THSD7B: variants seen among roughly 807,000 people sequenced by gnomAD.
The protein encoded by THSD7B is thrombospondin type-1 domain-containing protein 7B.
Under a neutral mutation model 213.6 loss-of-function variants are expected in THSD7B, and 138 were observed. The observed-to-expected ratio is 0.65, with a 90% CI of 0.56 to 0.74. THSD7B has a LOEUF of 0.74. Among genes scored for constraint, THSD7B ranks in the 30% least tolerant of loss-of-function variants. The probability of loss-of-function intolerance (pLI) is 0.00; values close to 1 mark genes in which losing one functional copy is unlikely to be tolerated. For missense variants in THSD7B, 1,931 were observed against 1,991.5 expected, an observed-to-expected ratio of 0.97 and a Z score of 0.58; for synonymous variants, 742 against 687.0, an observed-to-expected ratio of 1.08 and a Z score of -1.25.
At chr2:137,199,006 T>C (rs1312445863) in intron 7 of THSD7B, among the ~76,000 whole-genome samples, 1 of 152,202 alleles carries the variant, frequency 6.6e-6, no homozygotes, top group Non-Finnish European at 1.5e-5. Context: ...GAGTAGATGC[T>C]GTTAAGGCTT....
intron 2 of THSD7B, among the ~76,000 whole-genome samples, chr2:136,926,643 A>G (rs1403513765): frequency 6.6e-6 from 1 of 152,044 alleles, no homozygotes; most frequent in African/African-American, 2.4e-5. Context: ...TCAGTGAGCC[A>G]TGATCATGCC....
chr2:136,873,109 G>A (rs1207201032), intron 1 of THSD7B, among the ~76,000 whole-genome samples: 1 of 149,788 alleles, frequency 6.7e-6, no homozygotes, highest in Non-Finnish European at 1.5e-5. Context: ...TGTTTTTGAA[G>A]GTTTCAGAAA....
chr2:137,253,357 A>G (rs1404836716), intron 10 of THSD7B, among the ~76,000 whole-genome samples: 1 of 152,192 alleles, frequency 6.6e-6, no homozygotes, highest in Non-Finnish European at 1.5e-5. Context: ...ATGCAATACT[A>G]TGCTGTCTTA....
intron 15 of THSD7B, among the ~76,000 whole-genome samples, chr2:137,511,072 G>A (rs947145065): frequency 6.6e-6 from 1 of 152,238 alleles, no homozygotes; most frequent in Admixed American, 6.5e-5. Context: ...ATGCTTAATA[G>A]TGTGTCACAG....
At chr2:137,157,171 A>G (rs1035207512) in intron 5 of THSD7B, among the ~76,000 whole-genome samples, 1 of 152,138 alleles carries the variant, frequency 6.6e-6, no homozygotes, top group Non-Finnish European at 1.5e-5. Context: ...GTGGGAGCAA[A>G]TACACTCATA....
At chr2:137,017,585 G>T (rs1050166586) in intron 2 of THSD7B, among the ~76,000 whole-genome samples, 1 of 152,078 alleles carries the variant, frequency 6.6e-6, no homozygotes, top group Admixed American at 6.6e-5. Flanking sequence ...AAATACAGAT[G>T]TAGAAACAGA....
chr2:137,633,093 T>C (rs916227329), intron 20 of THSD7B, among the ~76,000 whole-genome samples: 2 of 152,184 alleles, frequency 1.3e-5, no homozygotes, highest in East Asian at 3.8e-4. Flanking sequence ...CACTCTGCTA[T>C]ACTGGAAAAT....
chr2:137,295,624 T>C (rs947104788), intron 12 of THSD7B, among the ~76,000 whole-genome samples: 3 of 151,982 alleles, frequency 2.0e-5, no homozygotes, highest in African/African-American at 7.2e-5. Context: ...TACAGGCACG[T>C]GCCACCATGG....
intron 15 of THSD7B, among the ~76,000 whole-genome samples, chr2:137,482,861 G>A (rs1688338849): frequency 6.6e-6 from 1 of 152,160 alleles, no homozygotes; most frequent in South Asian, 2.1e-4. Flanking sequence ...GGAAGTGGGT[G>A]GGAGATCCAG....
intron 15 of THSD7B, among the ~76,000 whole-genome samples, chr2:137,555,285 G>T (rs1458099633): frequency 6.6e-6 from 1 of 152,180 alleles, no homozygotes; most frequent in Non-Finnish European, 1.5e-5. Context: ...TATCTGGGAG[G>T]CACCCCCTAG....
intron 20 of THSD7B, among the ~76,000 whole-genome samples, chr2:137,625,769 G>A (rs1054554355): frequency 6.6e-6 from 1 of 152,194 alleles, no homozygotes; most frequent in Non-Finnish European, 1.5e-5. Context: ...GGGTTCCCAA[G>A]GCAGCCCTGC....
intron 7 of THSD7B, among the ~76,000 whole-genome samples, chr2:137,191,258 T>C (rs1680650371): frequency 6.6e-6 from 1 of 152,236 alleles, no homozygotes; most frequent in African/African-American, 2.4e-5. Flanking sequence ...TGTGATTCCC[T>C]TCTCGACTTT....
chr2:136,961,088 CAAAAAAA>C (rs57328048), intron 2 of THSD7B, among the ~76,000 whole-genome samples: 14 of 39,080 alleles, frequency 3.6e-4, no homozygotes, highest in African/African-American at 1.5e-3. Context: ...GACTCCGTCT[CAAAAAAA>C]AAAAAAAAAA....
At chr2:136,855,963 C>T (rs1483202722) in intron 1 of THSD7B, among the ~76,000 whole-genome samples, 1 of 141,356 alleles carries the variant, frequency 7.1e-6, no homozygotes, top group Non-Finnish European at 1.5e-5. Flanking sequence ...ATTTAAGTCT[C>T]AACTTGAATG....
intron 15 of THSD7B, among the ~76,000 whole-genome samples, chr2:137,478,996 T>A (rs146511830): frequency 6.6e-6 from 1 of 152,274 alleles, no homozygotes; most frequent in East Asian, 1.9e-4. Flanking sequence ...ATGCTGGCAC[T>A]GATGTTGGAA....
intron 15 of THSD7B, among the ~76,000 whole-genome samples, chr2:137,469,041 A>G (rs1688044846): frequency 6.6e-6 from 1 of 152,214 alleles, no homozygotes. Flanking sequence ...AACAAATGGC[A>G]AGTTCAATAA....
At chr2:137,272,806 C>T in intron 11 of THSD7B, 144 bp downstream of exon 11, 1 of 939,732 alleles carries the variant, frequency 1.1e-6, no homozygotes, top group South Asian at 1.6e-5. Context: ...AATATTCTTA[C>T]CCTCTTATCT....
chr2:136,888,415 G>A (rs1205897627), intron 2 of THSD7B, among the ~76,000 whole-genome samples: 1 of 151,864 alleles, frequency 6.6e-6, no homozygotes, highest in East Asian at 1.9e-4. Flanking sequence ...TGTACTTTAA[G>A]GAAAAAATTG....
At chr2:137,288,231 G>A (rs377760314) in intron 12 of THSD7B, among the ~76,000 whole-genome samples, 25 of 152,162 alleles carry the variant, frequency 1.6e-4, no homozygotes, top group African/African-American at 5.3e-4. Flanking sequence ...CAGCCTCACC[G>A]CTACTTGGAA....
Sources: allele counts gnomAD v4.1 joint callset (sites outside exome capture counted in the v4.1 genomes callset), GRCh38; gene constraint gnomAD v4.1.1; transcripts MANE v1.5; gene names NCBI Gene and HGNC (gene_info 2026-07-23, HGNC 2026-07-21).